Variants in ROBO1 observed in about 807,000 individuals in gnomAD.
The protein encoded by ROBO1 is roundabout guidance receptor 1.
ROBO1 carries 149 observed loss-of-function variants against 195.9 expected under a neutral mutation model. The observed-to-expected ratio is 0.76, with a 90% CI of 0.67 to 0.87. The LOEUF (loss-of-function observed/expected upper bound fraction) is 0.87, where lower values mean the gene tolerates loss of function less well. Ranked by LOEUF, ROBO1 falls within the 40% of genes least tolerant of loss-of-function variation. The probability of loss-of-function intolerance (pLI) is 0.00; values close to 1 mark genes in which losing one functional copy is unlikely to be tolerated. For missense variants in ROBO1, 1,933 were observed against 2,068.3 expected (o/e 0.93, Z 1.27); for synonymous variants, 816 against 733.2 (o/e 1.11, Z -1.82).
chr3:78,809,987 TAAAA>T (rs57179877), intron 4 of ROBO1, among the ~76,000 whole-genome samples: 3 of 139,912 alleles, frequency 2.1e-5, no homozygotes, highest in African/African-American at 5.2e-5. Flanking sequence ...TAAAGTATAG[TAAAA>T]AAAAAAAAAA....
intron 1 of ROBO1, among the ~76,000 whole-genome samples, chr3:79,652,777 T>G (rs1576181059): frequency 6.6e-6 from 1 of 152,128 alleles, no homozygotes; most frequent in South Asian, 2.1e-4. Flanking sequence ...TACAAAAAAA[T>G]TGTGAAAGAG....
intron 2 of ROBO1, among the ~76,000 whole-genome samples, chr3:79,574,567 T>A (rs972315917): frequency 3.3e-5 from 5 of 151,972 alleles, no homozygotes; most frequent in Non-Finnish European, 5.9e-5. Flanking sequence ...GCTTACCAAG[T>A]ATTATTGTAG....
intron 1 of ROBO1, among the ~76,000 whole-genome samples, chr3:79,708,207 G>A (rs1321643276): frequency 2.6e-5 from 4 of 152,116 alleles, no homozygotes; most frequent in Non-Finnish European, 4.4e-5. Context: ...CCTATACAAG[G>A]ATTAAAGTAA....
chr3:79,259,143 T>C (rs543074829), intron 2 of ROBO1, among the ~76,000 whole-genome samples: 4 of 152,240 alleles, frequency 2.6e-5, no homozygotes, highest in Non-Finnish European at 5.9e-5. Context: ...AATCCAAATA[T>C]ACTTTTTGTT....
At chr3:78,897,040 A>T (rs897206620) in intron 4 of ROBO1, among the ~76,000 whole-genome samples, 6 of 152,218 alleles carry the variant, frequency 3.9e-5, no homozygotes, top group Non-Finnish European at 8.8e-5. Flanking sequence ...GCATGCATGC[A>T]CACACAATTC....
At chr3:79,633,793 A>C (rs1945417322) in intron 1 of ROBO1, among the ~76,000 whole-genome samples, 1 of 152,138 alleles carries the variant, frequency 6.6e-6, no homozygotes. Context: ...TATTATTAAA[A>C]GATCTGTAAT....
intron 2 of ROBO1, among the ~76,000 whole-genome samples, chr3:79,583,100 C>T (rs997640280): frequency 2.6e-5 from 4 of 151,930 alleles, no homozygotes; most frequent in Non-Finnish European, 4.4e-5. Context: ...TCCTTGCTAA[C>T]GTGTATGTTT....
chr3:78,910,852 T>C (rs1440767473), intron 4 of ROBO1, among the ~76,000 whole-genome samples: 2 of 151,990 alleles, frequency 1.3e-5, no homozygotes, highest in African/African-American at 4.8e-5. Context: ...GTTCTCAGTG[T>C]GTGTTCTCTG....
chr3:79,379,116 T>C (rs1197985500), intron 2 of ROBO1, among the ~76,000 whole-genome samples: 1 of 130,450 alleles, frequency 7.7e-6, no homozygotes, highest in East Asian at 1.9e-4. Context: ...ACATGTACAC[T>C]ACACATGTAC....
intron 3 of ROBO1, among the ~76,000 whole-genome samples, chr3:79,045,309 A>C (rs2108346838): frequency 6.6e-6 from 1 of 152,214 alleles, no homozygotes; most frequent in African/African-American, 2.4e-5. Flanking sequence ...CACGAACACC[A>C]AATAATGAAC....
At chr3:79,027,494 G>T (rs1251314963) in intron 3 of ROBO1, among the ~76,000 whole-genome samples, 5 of 151,982 alleles carry the variant, frequency 3.3e-5, no homozygotes, top group African/African-American at 1.2e-4. Context: ...GCTTCTTGGT[G>T]TGACTGAGGA....
At chr3:78,677,914 G>A (rs1310525762) in intron 10 of ROBO1, among the ~76,000 whole-genome samples, 26 of 150,862 alleles carry the variant, frequency 1.7e-4, no homozygotes, top group South Asian at 6.3e-4. Context: ...AATTGACCAC[G>A]TAGTTGGAAG....
intron 8 of ROBO1, among the ~76,000 whole-genome samples, chr3:78,690,016 A>C (rs2081136639): frequency 6.8e-6 from 1 of 148,000 alleles, no homozygotes; most frequent in Non-Finnish European, 1.5e-5. Flanking sequence ...TATATATAAA[A>C]TATATAAAGT....
intron 8 of ROBO1, among the ~76,000 whole-genome samples, chr3:78,710,515 A>G (rs954756495): frequency 9.9e-5 from 15 of 152,226 alleles, no homozygotes; most frequent in African/African-American, 3.6e-4. Context: ...GCTATCAATA[A>G]TAACACTCAT....
chr3:79,039,157 G>A (rs1430981167), intron 3 of ROBO1, among the ~76,000 whole-genome samples: 1 of 152,168 alleles, frequency 6.6e-6, no homozygotes, highest in Non-Finnish European at 1.5e-5. Context: ...AAGTTAAGGT[G>A]CAAAAGTTTC....
intron 1 of ROBO1, among the ~76,000 whole-genome samples, chr3:79,762,801 G>A (rs534079507): frequency 6.6e-6 from 1 of 152,082 alleles, no homozygotes; most frequent in African/African-American, 2.4e-5. Flanking sequence ...CAGATAGCTC[G>A]CCAAACTTGT....
At chr3:79,407,605 T>C (rs2037599120) in intron 2 of ROBO1, among the ~76,000 whole-genome samples, 1 of 152,156 alleles carries the variant, frequency 6.6e-6, no homozygotes, top group African/African-American at 2.4e-5. Context: ...ATAGGTGTTA[T>C]TTTAGTGGGT....
intron 1 of ROBO1, among the ~76,000 whole-genome samples, chr3:79,653,241 T>A (rs1027227178): frequency 6.6e-6 from 1 of 151,938 alleles, no homozygotes; most frequent in South Asian, 2.1e-4. Flanking sequence ...AAAAAATAAA[T>A]GAGAAATTCA....
intron 21 of ROBO1, among the ~76,000 whole-genome samples, chr3:78,642,390 A>G (rs1242531934): frequency 1.3e-5 from 2 of 152,174 alleles, no homozygotes; most frequent in African/African-American, 4.8e-5. Flanking sequence ...GGCTGGCAGG[A>G]AGCCTTGTCA....
Sources: allele counts gnomAD v4.1 joint callset (sites outside exome capture counted in the v4.1 genomes callset), GRCh38; gene constraint gnomAD v4.1.1; transcripts MANE v1.5; gene names NCBI Gene and HGNC (gene_info 2026-07-23, HGNC 2026-07-21).